The following NRXN1 variants were observed in gnomAD, a reference collection of about 807,000 sequenced individuals.
NRXN1 encodes the protein neurexin-1.
NRXN1 carries 39 observed loss-of-function variants against 150.9 expected under a neutral mutation model. The observed-to-expected ratio is 0.26, with a 90% CI of 0.20 to 0.34. The LOEUF (loss-of-function observed/expected upper bound fraction) is 0.34, where lower values mean the gene tolerates loss of function less well. Ranked by LOEUF, NRXN1 falls within the 10% of genes least tolerant of loss-of-function variation. The probability of loss-of-function intolerance (pLI) is 1.00; values close to 1 mark genes in which losing one functional copy is unlikely to be tolerated. For missense variants in NRXN1, 1,815 were observed against 1,949.9 expected (o/e 0.93, Z 1.30); for synonymous variants, 924 against 757.0 (o/e 1.22, Z -3.62).
intron 2 of NRXN1, among the ~76,000 whole-genome samples, chr2:50,944,114 T>C (rs543681777): frequency 6.6e-6 from 1 of 152,334 alleles, no homozygotes; most frequent in East Asian, 1.9e-4. Context: ...AATTGTTTTT[T>C]CACTTGGCTA....
At chr2:50,362,377 C>T (rs1021059686) in intron 17 of NRXN1, among the ~76,000 whole-genome samples, 2 of 152,186 alleles carry the variant, frequency 1.3e-5, no homozygotes, top group Admixed American at 1.3e-4. Context: ...ACTCCTTCAA[C>T]TGATGAGCAA....
At chr2:50,389,623 C>T (rs1332026312) in intron 17 of NRXN1, among the ~76,000 whole-genome samples, 1 of 152,048 alleles carries the variant, frequency 6.6e-6, no homozygotes, top group Non-Finnish European at 1.5e-5. Flanking sequence ...AGTTCCCAAA[C>T]TACATTAGGT....
At chr2:50,483,637 G>A (rs1221922202) in intron 15 of NRXN1, among the ~76,000 whole-genome samples, 3 of 152,114 alleles carry the variant, frequency 2.0e-5, no homozygotes, top group Non-Finnish European at 4.4e-5. Flanking sequence ...CTTCTGAAAA[G>A]TTTAGTTACC....
intron 13 of NRXN1, among the ~76,000 whole-genome samples, chr2:50,503,904 G>A (rs987598055): frequency 5.3e-5 from 8 of 152,068 alleles, no homozygotes; most frequent in Admixed American, 2.6e-4. Flanking sequence ...CATGGGCAGC[G>A]TATGCCCCAG....
chr2:50,552,735 C>A lies in NRXN1; in HGVS notation c.1611G>T (p.Lys537Asn). 1 of 1,613,922 alleles carries A rather than the reference C, an allele frequency of 6.2e-7. No homozygotes were observed. Among genetic ancestry groups the A allele is most frequent in the Non-Finnish European group, 8.5e-7 (1 of 1,179,858 alleles). ...QKDAKHPQMIKVDFFAIEMLD... is the reference protein window; with the variant it reads ...QKDAKHPQMINVDFFAIEMLD... ...GCATCTCAATAGCAAAGAAGTCCACCTTTATCATCTGTGGGTGCTTGGCAT... is the reference window on the plus strand; with the variant it reads ...GCATCTCAATAGCAAAGAAGTCCACATTTATCATCTGTGGGTGCTTGGCAT... The change falls in exon 9 of 23, where the codon AAG (lysine) becomes AAT (asparagine). Residue 537 changes from lysine (K) to asparagine (N), a missense_variant. Transcript: ENST00000401669.
chr2:50,506,687 G>T, intron 12 of NRXN1, 70 bp from the exon 13 acceptor site: 20 of 1,520,460 alleles, frequency 1.3e-5, no homozygotes, highest in Non-Finnish European at 1.7e-5. Flanking sequence ...CACAGAGAGT[G>T]AGAGAAAGAG....
chr2:50,675,778 G>A (rs1475106067), intron 5 of NRXN1, among the ~76,000 whole-genome samples: 1 of 152,012 alleles, frequency 6.6e-6, no homozygotes, highest in Non-Finnish European at 1.5e-5. Flanking sequence ...TGTCACAAGA[G>A]CAATAATAAA....
chr2:50,907,874 G>A (rs752773047), intron 5 of NRXN1, among the ~76,000 whole-genome samples: 7 of 152,194 alleles, frequency 4.6e-5, no homozygotes, highest in South Asian at 2.1e-4. Context: ...ATACATTCAC[G>A]TTGTTTAAGC....
chr2:50,804,770 A>G (rs940118419), intron 5 of NRXN1, among the ~76,000 whole-genome samples: 10 of 151,996 alleles, frequency 6.6e-5, no homozygotes, highest in African/African-American at 2.4e-4. Context: ...TTTTTCTTCT[A>G]CCTTCAAACA....
intron 17 of NRXN1, among the ~76,000 whole-genome samples, chr2:50,238,713 C>G (rs918400870): frequency 2.0e-5 from 3 of 151,910 alleles, no homozygotes; most frequent in Non-Finnish European, 4.4e-5. Context: ...TTTTTGGAAG[C>G]AACTCTTCTT....
At chr2:50,278,284 TAATACA>T (rs2070892498) in intron 17 of NRXN1, among the ~76,000 whole-genome samples, 1 of 87,952 alleles carries the variant, frequency 1.1e-5, no homozygotes, top group African/African-American at 4.6e-5. Flanking sequence ...ATTATATATA[TAATACA>T]TATATAATAT....
intron 17 of NRXN1, among the ~76,000 whole-genome samples, chr2:50,264,298 A>G (rs1309188962): frequency 6.6e-6 from 1 of 152,136 alleles, no homozygotes; most frequent in Non-Finnish European, 1.5e-5. Flanking sequence ...ACATAGAAAC[A>G]GAATAGATAA....
intron 17 of NRXN1, among the ~76,000 whole-genome samples, chr2:50,304,982 C>T (rs933479710): frequency 1.3e-4 from 20 of 151,954 alleles, no homozygotes; most frequent in Non-Finnish European, 4.4e-5. Context: ...CCCAGCTACT[C>T]GGGAGGCTCA....
intron 17 of NRXN1, among the ~76,000 whole-genome samples, chr2:50,264,096 T>C (rs1414063656): frequency 6.6e-6 from 1 of 152,162 alleles, no homozygotes; most frequent in Non-Finnish European, 1.5e-5. Context: ...ATTACTATCT[T>C]ATGCAGTAGG....
chr2:50,928,671 C>T (rs1242586953), intron 2 of NRXN1, among the ~76,000 whole-genome samples: 1 of 151,972 alleles, frequency 6.6e-6, no homozygotes, highest in Non-Finnish European at 1.5e-5. Flanking sequence ...TGAGCAGCAA[C>T]AAAGACAGGT....
At chr2:50,859,838 T>TTGTGTGTGTATGTGTG (rs1366132209) in intron 5 of NRXN1, among the ~76,000 whole-genome samples, 9 of 147,572 alleles carry the variant, frequency 6.1e-5, no homozygotes, top group African/African-American at 2.2e-4. Flanking sequence ...ACAATTATGT[T>TTGTGTGTGTATGTGTG]TGTGTGTGTG....
At chr2:50,685,890 T>C (rs1691156844) in intron 5 of NRXN1, among the ~76,000 whole-genome samples, 2 of 152,224 alleles carry the variant, frequency 1.3e-5, no homozygotes, top group Non-Finnish European at 2.9e-5. Flanking sequence ...GCCTGCATAC[T>C]TGTTGTAGTT....
At chr2:50,116,103 A>G (rs1703024939) in intron 18 of NRXN1, among the ~76,000 whole-genome samples, 1 of 152,108 alleles carries the variant, frequency 6.6e-6, no homozygotes, top group Non-Finnish European at 1.5e-5. Flanking sequence ...CAAGGCAAAC[A>G]GCAAAACATG....
intron 5 of NRXN1, among the ~76,000 whole-genome samples, chr2:50,890,048 T>C (rs972527619): frequency 6.6e-6 from 1 of 151,810 alleles, no homozygotes; most frequent in African/African-American, 2.4e-5. Flanking sequence ...TTCTGTAACA[T>C]GAGCTTCAGG....
Sources: gnomAD v4.1 joint callset for allele counts (sites outside exome capture counted in the v4.1 genomes callset) on GRCh38, gnomAD v4.1.1 for gene constraint, MANE v1.5 for transcripts, NCBI Gene and HGNC (gene_info 2026-07-23, HGNC 2026-07-21) for gene names.